The following TXNDC8 variants were observed in gnomAD, a reference collection of about 807,000 sequenced individuals.
TXNDC8 encodes the protein thioredoxin domain-containing protein 8.
TXNDC8 carries 15 observed loss-of-function variants against 12.9 expected under a neutral mutation model. That is an observed-to-expected ratio of 1.16 (90% CI 0.78 to 1.79). The LOEUF (loss-of-function observed/expected upper bound fraction) is 1.79, where lower values mean the gene tolerates loss of function less well. Among genes scored for constraint, TXNDC8 ranks in the 40% most tolerant of loss-of-function variants. The pLI, the probability that TXNDC8 is intolerant of heterozygous loss-of-function variation, is 0.00. For missense variants in TXNDC8, 128 were observed against 113.2 expected (o/e 1.13, Z -0.59); for synonymous variants, 40 against 35.4 (o/e 1.13, Z -0.46).
intron 3 of TXNDC8, among the ~76,000 whole-genome samples, chr9:110,319,467 A>T (rs1378109900): frequency 6.6e-6 from 1 of 152,188 alleles, no homozygotes; most frequent in Non-Finnish European, 1.5e-5. Context: ...AATATCACAA[A>T]TTTGTCTGAC....
intron 3 of TXNDC8, among the ~76,000 whole-genome samples, chr9:110,313,768 G>A (rs577087222): frequency 1.6e-4 from 24 of 152,206 alleles, no homozygotes; most frequent in Middle Eastern, 3.4e-3. Flanking sequence ...TTCCAGGATT[G>A]TTCTTTTGTT....
intron 3 of TXNDC8, chr9:110,322,461 T>G: frequency 1.0e-6 from 1 of 985,316 alleles, no homozygotes; most frequent in Non-Finnish European, 1.2e-6. Flanking sequence ...TAGAGACCAG[T>G]TAGATATAAT....
intron 2 of TXNDC8, 43 bp downstream of exon 3, chr9:110,329,189 C>T: frequency 6.5e-7 from 1 of 1,544,984 alleles, no homozygotes; most frequent in Non-Finnish European, 8.9e-7. Context: ...ATTACAATGC[C>T]TTTGGATTTT....
chr9:110,332,502 G>T (rs1202514829), intron 2 of TXNDC8, among the ~76,000 whole-genome samples: 1 of 152,130 alleles, frequency 6.6e-6, no homozygotes, highest in Non-Finnish European at 1.5e-5. Flanking sequence ...TGTGACTGAG[G>T]CTCAGGTGGA....
At chr9:110,328,192 T>C (rs1376215808) in intron 2 of TXNDC8, among the ~76,000 whole-genome samples, 1 of 152,256 alleles carries the variant, frequency 6.6e-6, no homozygotes, top group African/African-American at 2.4e-5. Context: ...TATCACTTTT[T>C]TCATTCTAAA....
chr9:110,322,973 A>G, intron 3 of TXNDC8: 1 of 985,450 alleles, frequency 1.0e-6, no homozygotes, highest in Non-Finnish European at 1.2e-6. Context: ...AGTTAAACAG[A>G]GAAAGGCTTG....
intron 3 of TXNDC8, chr9:110,322,629 T>A: frequency 1.0e-6 from 1 of 985,420 alleles, no homozygotes; most frequent in Non-Finnish European, 1.2e-6. Context: ...TCTTGTGTCA[T>A]CATAAAATGG....
rs186810636 is a variant in TXNDC8, at chr9:110,322,201, T to G, written c.195+3974A>C. On this transcript the variant is annotated intron_variant, in intron 3 of 4. Coordinates refer to ENST00000423740, the MANE Select transcript of TXNDC8 (RefSeq NM_001286946.2). ...GGTCTCAAGTTTTTTTTTTTTTAAA[T>G]TCATAACCAGGATGCTAAGTTACTA... Among the ~76,000 whole-genome samples, 11 of 152,066 alleles carry G rather than the reference T, an allele frequency of 7.2e-5. No individual in the cohort carries two copies. In the East Asian group the frequency reaches 2.1e-3, roughly 29 times the overall value.
At chr9:110,317,948 G>A (rs969118276) in intron 3 of TXNDC8, among the ~76,000 whole-genome samples, 41 of 152,208 alleles carry the variant, frequency 2.7e-4, no homozygotes, top group African/African-American at 9.7e-4. Flanking sequence ...CTGGAGGGAT[G>A]GACCATGCCA....
At chr9:110,311,220 T>A (rs1838650712) in intron 3 of TXNDC8, among the ~76,000 whole-genome samples, 1 of 152,050 alleles carries the variant, frequency 6.6e-6, no homozygotes, top group Non-Finnish European at 1.5e-5. Flanking sequence ...TTTACATAAA[T>A]CATCTAGGTA....
rs143406937 is a variant in TXNDC8 at position 110,323,854 on chromosome 9, A to G, written c.195+2321T>C. ...TATCTTCCCAAATTCAAATCCAGTGATATCAAAGGAGAAGGTTATTTACCT... is the reference window on the plus strand; with the variant it reads ...TATCTTCCCAAATTCAAATCCAGTGGTATCAAAGGAGAAGGTTATTTACCT... On this transcript the variant is annotated intron_variant, in intron 3 of 4. Coordinates refer to ENST00000423740, the MANE Select transcript of TXNDC8 (RefSeq NM_001286946.2). 4.5e-5 allele frequency: 69 copies of G among 1,548,470 alleles called. No homozygotes were observed. The African/African-American group carries it at 8.2e-4, about 18-fold the overall frequency.
rs560439812 is a variant in TXNDC8 at position 110,320,625 on chromosome 9, A to G, written c.195+5550T>C. On this transcript the variant is annotated intron_variant, in intron 3 of 4. Coordinates refer to ENST00000423740, the MANE Select transcript of TXNDC8 (RefSeq NM_001286946.2). ...GACGGTCACTGAATATCCTAGTATT[A>G]TCTCACATTTTAGTTTATGTGCCTA... 2.0e-5 allele frequency among the ~76,000 whole-genome samples: 3 copies of G among 152,356 alleles called. No individual in the cohort carries two copies. In the South Asian group the frequency reaches 6.2e-4, roughly 32 times the overall value.
chr9:110,325,794 C>T (rs1047934999), intron 3 of TXNDC8, among the ~76,000 whole-genome samples: 5 of 152,192 alleles, frequency 3.3e-5, no homozygotes, highest in African/African-American at 1.2e-4. Flanking sequence ...GCTGGGATTA[C>T]AGGCGTGAGC....
intron 3 of TXNDC8, among the ~76,000 whole-genome samples, chr9:110,324,802 C>A (rs944735670): frequency 9.2e-5 from 14 of 152,102 alleles, no homozygotes; most frequent in Admixed American, 4.6e-4. Flanking sequence ...TGCCAATGCC[C>A]CCGGCCATGT....
intron 3 of TXNDC8, among the ~76,000 whole-genome samples, chr9:110,325,607 G>A (rs184301987): frequency 2.7e-3 from 400 of 148,214 alleles, no homozygotes; most frequent in African/African-American, 9.3e-3. Context: ...TGCAAGCTCC[G>A]CGTCCTGGGT....
chr9:110,326,564 G>C (rs963678830), intron 2 of TXNDC8, among the ~76,000 whole-genome samples: 2 of 152,196 alleles, frequency 1.3e-5, no homozygotes, highest in Non-Finnish European at 2.9e-5. Context: ...TTGTGAAAGA[G>C]TACAGAGGGG....
chr9:110,305,141 C>T (rs941815002), intron 3 of TXNDC8, among the ~76,000 whole-genome samples: 340 of 93,118 alleles, frequency 3.7e-3, no homozygotes, highest in African/African-American at 0.014. Flanking sequence ...GAGAGAGATT[C>T]TGTCTCAAAA....
chr9:110,321,648 A>G (rs1182241257), intron 3 of TXNDC8, among the ~76,000 whole-genome samples: 4 of 152,168 alleles, frequency 2.6e-5, no homozygotes, highest in South Asian at 2.1e-4. Context: ...GTAGTCCTCA[A>G]AAAAGTGCAT....
At chr9:110,311,521 G>GATA (rs1491185921) in intron 3 of TXNDC8, among the ~76,000 whole-genome samples, 2 of 41,220 alleles carry the variant, frequency 4.9e-5, no homozygotes, top group African/African-American at 1.2e-4. Context: ...AAATAAAGAG[G>GATA]TATATATATA....
Sources: gnomAD v4.1 joint callset for allele counts (sites outside exome capture counted in the v4.1 genomes callset) on GRCh38, gnomAD v4.1.1 for gene constraint, MANE v1.5 for transcripts, NCBI Gene and HGNC (gene_info 2026-07-23, HGNC 2026-07-21) for gene names.